The following PTPRD variants were observed in gnomAD, a reference collection of about 807,000 sequenced individuals.
PTPRD encodes receptor-type tyrosine-protein phosphatase delta.
PTPRD carries 34 observed loss-of-function variants against 214.5 expected under a neutral mutation model. The ratio of observed to expected loss-of-function variants is 0.16; its 90% CI spans 0.12 to 0.21. PTPRD has a LOEUF of 0.21. Among genes scored for constraint, PTPRD ranks in the 10% least tolerant of loss-of-function variants. The pLI is 1.00. For synonymous variants in PTPRD, 1,128 were observed against 845.7 expected (o/e 1.33, Z -5.79); for missense variants, 2,545 against 2,398.7 (o/e 1.06, Z -1.27).
chr9:9,948,572 G>A (rs2093078281), intron 4 of PTPRD, among the ~76,000 whole-genome samples: 1 of 152,106 alleles, frequency 6.6e-6, no homozygotes, highest in South Asian at 2.1e-4. Flanking sequence ...CAACTCTTTA[G>A]TGATTGGCTT....
At chr9:8,949,052 C>T (rs184763623) in intron 11 of PTPRD, among the ~76,000 whole-genome samples, 179 of 151,662 alleles carry the variant, frequency 1.2e-3, no homozygotes, top group South Asian at 1.9e-3. Flanking sequence ...GGTGAAACCC[C>T]GTCTCTTCTA....
At chr9:10,530,955 T>G (rs75001701) in intron 2 of PTPRD, among the ~76,000 whole-genome samples, 2 of 146,442 alleles carry the variant, frequency 1.4e-5, no homozygotes, top group South Asian at 4.3e-4. Flanking sequence ...CAGTAGACAA[T>G]TTTTTTTTTT....
At chr9:9,173,040 C>A in intron 10 of PTPRD, among the ~76,000 whole-genome samples, 1 of 152,104 alleles carries the variant, frequency 6.6e-6, no homozygotes, top group South Asian at 2.1e-4. Flanking sequence ...ATTTCCCAGT[C>A]ATCTTTTCCT....
At chr9:8,988,053 G>A (rs1324266824) in intron 11 of PTPRD, among the ~76,000 whole-genome samples, 1 of 151,688 alleles carries the variant, frequency 6.6e-6, no homozygotes, top group Non-Finnish European at 1.5e-5. Context: ...GGAAGTTGGG[G>A]AGAGAGAGAG....
chr9:8,789,416 C>T (rs1396554932), intron 11 of PTPRD, among the ~76,000 whole-genome samples: 1 of 152,118 alleles, frequency 6.6e-6, no homozygotes, highest in Non-Finnish European at 1.5e-5. Context: ...AGCCGTAATT[C>T]CCACTGACCT....
At chr9:9,426,609 T>C (rs556186293) in intron 8 of PTPRD, among the ~76,000 whole-genome samples, 8 of 152,234 alleles carry the variant, frequency 5.3e-5, no homozygotes, top group Non-Finnish European at 1.2e-4. Context: ...GACTGCCTCC[T>C]CAAGTGGGAC....
chr9:10,437,993 A>G (rs1020690230), intron 2 of PTPRD, among the ~76,000 whole-genome samples: 1 of 133,536 alleles, frequency 7.5e-6, no homozygotes, highest in Non-Finnish European at 1.5e-5. Flanking sequence ...CTGGACTATC[A>G]GCTCCCTAAG....
Position 8,986,192 on chromosome 9 carries a change from A to G in PTPRD, c.-104+32505T>C, listed in dbSNP as rs149729152. Among the ~76,000 whole-genome samples the G allele has an allele frequency of 6.6e-3, 999 of 152,180 alleles. 11 individuals are homozygous for G. The highest frequency in any genetic ancestry group is 0.023 in the African/African-American group (951 of 41,558). On this transcript the variant is annotated intron_variant, in intron 11 of 45. Transcript: ENST00000381196. ...GTGCAGAACAGTTTTTGATTTTGCT[A>G]CAGGTATCTGTTTCTCAACTGTCTA...
intron 9 of PTPRD, among the ~76,000 whole-genome samples, chr9:9,384,313 T>A (rs936453239): frequency 7.0e-6 from 1 of 143,464 alleles, no homozygotes; most frequent in Non-Finnish European, 1.5e-5. Context: ...AGGTTTTATG[T>A]TGAAGATGAT....
intron 10 of PTPRD, among the ~76,000 whole-genome samples, chr9:9,057,321 A>G (rs1590729162): frequency 6.6e-6 from 1 of 152,302 alleles, no homozygotes; most frequent in South Asian, 2.1e-4. Flanking sequence ...ATCGAAGTAT[A>G]TTTGAGCTGA....
At chr9:10,412,182 T>C (rs1048498853) in intron 2 of PTPRD, among the ~76,000 whole-genome samples, 1 of 151,298 alleles carries the variant, frequency 6.6e-6, no homozygotes, top group Non-Finnish European at 1.5e-5. Context: ...GCTATACTAA[T>C]AAAGAAGAGA....
At chr9:10,595,327 C>T (rs2076369425) in intron 2 of PTPRD, among the ~76,000 whole-genome samples, 2 of 151,726 alleles carry the variant, frequency 1.3e-5, no homozygotes, top group African/African-American at 2.4e-5. Context: ...GATAATGAGG[C>T]AATTTACAAC....
intron 9 of PTPRD, among the ~76,000 whole-genome samples, chr9:9,288,326 C>G (rs1265766285): frequency 6.6e-6 from 1 of 151,788 alleles, no homozygotes; most frequent in East Asian, 2.0e-4. Flanking sequence ...TATAAAATCA[C>G]TCTACCCTCC....
chr9:9,437,792 G>A (rs1190627962), intron 8 of PTPRD, among the ~76,000 whole-genome samples: 1 of 152,086 alleles, frequency 6.6e-6, no homozygotes, highest in Non-Finnish European at 1.5e-5. Context: ...TTAACCCGAG[G>A]GGATATGCTG....
chr9:9,944,482 T>C (rs1380227486), intron 4 of PTPRD, among the ~76,000 whole-genome samples: 1 of 151,992 alleles, frequency 6.6e-6, no homozygotes, highest in Non-Finnish European at 1.5e-5. Context: ...AGTACAAAAA[T>C]TAAATAAGAT....
chr9:9,021,683 A>AT (rs1411677858), intron 10 of PTPRD, among the ~76,000 whole-genome samples: 8 of 152,142 alleles, frequency 5.3e-5, no homozygotes, highest in Non-Finnish European at 1.0e-4. Flanking sequence ...GATGTGGAAG[A>AT]GAGTGTTACT....
At chr9:9,340,033 A>C (rs2046163720) in intron 9 of PTPRD, among the ~76,000 whole-genome samples, 1 of 152,168 alleles carries the variant, frequency 6.6e-6, no homozygotes, top group Non-Finnish European at 1.5e-5. Context: ...CTGTGAGAAG[A>C]CATTAGCAAT....
intron 10 of PTPRD, among the ~76,000 whole-genome samples, chr9:9,084,570 A>G (rs2099764279): frequency 6.6e-6 from 1 of 151,972 alleles, no homozygotes; most frequent in African/African-American, 2.4e-5. Context: ...AAAAGTTCCC[A>G]CTGACACACA....
intron 10 of PTPRD, among the ~76,000 whole-genome samples, chr9:9,106,380 T>C (rs2154445609): frequency 6.6e-6 from 1 of 151,936 alleles, no homozygotes; most frequent in South Asian, 2.1e-4. Flanking sequence ...TAATACTTAA[T>C]ATGTTAATTT....
Sources: allele counts gnomAD v4.1 joint callset (sites outside exome capture counted in the v4.1 genomes callset), GRCh38; gene constraint gnomAD v4.1.1; transcripts MANE v1.5; gene names NCBI Gene and HGNC (gene_info 2026-07-23, HGNC 2026-07-21).